UBE3A: variants seen among roughly 807,000 people sequenced by gnomAD.
UBE3A encodes ubiquitin protein ligase E3A.
Under a neutral mutation model 83.4 loss-of-function variants are expected in UBE3A, and 6 were observed. The ratio of observed to expected loss-of-function variants is 0.07; its 90% CI spans 0.04 to 0.14. The LOEUF (loss-of-function observed/expected upper bound fraction) is 0.14, where lower values mean the gene tolerates loss of function less well. Among genes scored for constraint, UBE3A ranks in the 10% least tolerant of loss-of-function variants. The probability of loss-of-function intolerance (pLI) is 1.00; values close to 1 mark genes in which losing one functional copy is unlikely to be tolerated. For missense variants in UBE3A, 456 were observed against 1,036.1 expected (o/e 0.44, Z 7.69); for synonymous variants, 337 against 355.4 (o/e 0.95, Z 0.58).
At chr15:25,364,680 G>A (rs1379904247) in intron 6 of UBE3A, among the ~76,000 whole-genome samples, 3 of 135,372 alleles carry the variant, frequency 2.2e-5, no homozygotes, top group African/African-American at 8.7e-5. Context: ...GTCTCGCTCT[G>A]TCGCCCAGGC....
intron 6 of UBE3A, among the ~76,000 whole-genome samples, chr15:25,364,637 T>TTTG (rs2078727604): frequency 7.1e-6 from 1 of 141,668 alleles, no homozygotes; most frequent in African/African-American, 2.8e-5. Flanking sequence ...TTAGGGTTTT[T>TTTG]TTTGTTTGTT....
chr15:25,414,851 G>A (rs2153102850), intron 1 of UBE3A, among the ~76,000 whole-genome samples: 1 of 152,244 alleles, frequency 6.6e-6, no homozygotes, highest in East Asian at 1.9e-4. Context: ...ACACAATTTG[G>A]TCAAAACCTG....
chr15:25,379,944 T>C (rs888719975), intron 4 of UBE3A, among the ~76,000 whole-genome samples: 2 of 152,176 alleles, frequency 1.3e-5, no homozygotes, highest in African/African-American at 4.8e-5. Context: ...ATATACTATA[T>C]ATGATAATGC....
intron 6 of UBE3A, among the ~76,000 whole-genome samples, chr15:25,361,511 A>G (rs1421366629): frequency 1.3e-5 from 2 of 152,234 alleles, no homozygotes; most frequent in East Asian, 1.9e-4. Flanking sequence ...GTGTACCTAT[A>G]GAATTATGAA....
intron 11 of UBE3A, among the ~76,000 whole-genome samples, chr15:25,351,532 C>T (rs957482427): frequency 4.6e-5 from 7 of 152,138 alleles, no homozygotes; most frequent in East Asian, 1.9e-4. Context: ...TGCAGTGGCA[C>T]GATCTAGGCT....
chr15:25,380,385 C>T (rs1489339046), intron 4 of UBE3A, among the ~76,000 whole-genome samples: 1 of 152,066 alleles, frequency 6.6e-6, no homozygotes, highest in Non-Finnish European at 1.5e-5. Flanking sequence ...ACAAATACCA[C>T]CTGCCCTTTA....
At chr15:25,358,702 G>A (rs2077584042) in intron 7 of UBE3A, among the ~76,000 whole-genome samples, 1 of 152,124 alleles carries the variant, frequency 6.6e-6, no homozygotes, top group Admixed American at 6.5e-5. Context: ...TTAAAAATAA[G>A]GAGCTTTAAC....
intron 1 of UBE3A, chr15:25,412,975 C>T (rs767674409): frequency 1.4e-5 from 6 of 433,170 alleles, no homozygotes; most frequent in East Asian, 1.5e-4. Context: ...AACCCAAGAA[C>T]GCAGAAATGA....
intron 4 of UBE3A, chr15:25,391,790 AG>A (rs1189472194): frequency 6.6e-6 from 1 of 152,178 alleles, no homozygotes; most frequent in East Asian, 1.9e-4. Context: ...CGGCAACCTG[AG>A]GTAAGGTGTT....
At chr15:25,386,739 G>GA (rs548876395) in intron 4 of UBE3A, among the ~76,000 whole-genome samples, 1 of 149,480 alleles carries the variant, frequency 6.7e-6, no homozygotes, top group East Asian at 2.0e-4. Flanking sequence ...AGGAAAAAAA[G>GA]AAAAAAAAGA....
intron 4 of UBE3A, among the ~76,000 whole-genome samples, chr15:25,388,231 A>G (rs2083554484): frequency 6.6e-6 from 1 of 152,236 alleles, no homozygotes; most frequent in South Asian, 2.1e-4. Flanking sequence ...AAGTATTAGC[A>G]AACTAAATTT....
At chr15:25,422,823 A>AC (rs1890220584) in intron 1 of UBE3A, among the ~76,000 whole-genome samples, 2 of 151,360 alleles carry the variant, frequency 1.3e-5, no homozygotes, top group African/African-American at 2.4e-5. Context: ...AAAAAAAAAA[A>AC]AAAAAACCAA....
intron 1 of UBE3A, among the ~76,000 whole-genome samples, chr15:25,420,904 C>A (rs1009521451): frequency 2.0e-5 from 3 of 151,988 alleles, no homozygotes; most frequent in Admixed American, 2.0e-4. Flanking sequence ...ACAAAGAGTC[C>A]AAATGTCCAC....
intron 4 of UBE3A, among the ~76,000 whole-genome samples, chr15:25,376,662 A>G (rs2081274757): frequency 6.6e-6 from 1 of 151,802 alleles, no homozygotes; most frequent in South Asian, 2.1e-4. Context: ...AAACAAACAA[A>G]AACCAAAAAG....
intron 6 of UBE3A, among the ~76,000 whole-genome samples, chr15:25,366,168 T>C (rs903053076): frequency 6.6e-6 from 1 of 152,202 alleles, no homozygotes; most frequent in African/African-American, 2.4e-5. Context: ...ACCAAGCATA[T>C]TTCTTGGTTT....
intron 6 of UBE3A, among the ~76,000 whole-genome samples, chr15:25,367,724 A>C (rs1290712162): frequency 6.6e-6 from 1 of 152,170 alleles, no homozygotes; most frequent in African/African-American, 2.4e-5. Flanking sequence ...AAATACTATC[A>C]ACATGAATTC....
At chr15:25,393,776 T>C (rs1194079858) in intron 4 of UBE3A, 1 of 152,206 alleles carries the variant, frequency 6.6e-6, no homozygotes, top group East Asian at 1.9e-4. Context: ...GTTTATATGA[T>C]GCTTCAGGTG....
At position 25,375,697 on chromosome 15, in the gene UBE3A, A is replaced by G; in HGVS notation, c.129T>C (p.Asn43=). 2 of 1,614,180 alleles carry G rather than the reference A, an allele frequency of 1.2e-6. No individual in the cohort carries two copies. The highest frequency in any genetic ancestry group is 2.2e-5 in the East Asian group (1 of 44,884). Residue 43 remains asparagine (N), a synonymous_variant, in exon 5 of 13, where the codon AAT becomes AAC. Coordinates refer to ENST00000648336, the MANE Select transcript of UBE3A (RefSeq NM_130839.5). ...YYHQLTEGCG[N]EACTNEFCAS... is the part of the protein sequence containing the mutation. ...CACAAAACTCATTCGTGCAGGCTTC[A>G]TTTCCACAGCCCTCAGTTAACTGGT...
At position 25,371,960 on chromosome 15, in the gene UBE3A, T is replaced by A. The variant is rs894886322; in HGVS notation, c.362-148A>T. 2 of 863,132 alleles carry A rather than the reference T, an allele frequency of 2.3e-6. No individual in the cohort carries two copies. Among genetic ancestry groups the A allele is most frequent in the African/African-American group, 3.4e-5 (2 of 58,322 alleles). The allele number at this position is 863,132 out of a possible 1,614,324, so 53.5% of individuals were successfully genotyped here. On this transcript the variant is annotated intron_variant, in intron 5 of 12. Coordinates refer to ENST00000648336, the MANE Select transcript of UBE3A (RefSeq NM_130839.5). The surrounding 1 kb of genome is among the most constrained non-coding windows in gnomAD (Gnocchi z 5.3). Reference sequence around the variant, plus strand: ...ACTCTTAAAGTATCTAATACTTAGATTCAGCAAACAAAATTTAATGCTTAC... The same window carrying A: ...ACTCTTAAAGTATCTAATACTTAGAATCAGCAAACAAAATTTAATGCTTAC...
Sources: gnomAD v4.1 joint callset for allele counts (sites outside exome capture counted in the v4.1 genomes callset) on GRCh38, gnomAD v4.1.1 for gene constraint, Gnocchi (gnomAD v3.1) non-coding constraint, MANE v1.5 for transcripts, NCBI Gene and HGNC (gene_info 2026-07-23, HGNC 2026-07-21) for gene names.